Variants in NTRK3 observed in about 807,000 individuals in gnomAD.
NTRK3 encodes neurotrophic receptor tyrosine kinase 3, also known as NT-3 growth factor receptor.
A neutral mutation model predicts 91.7 loss-of-function variants in NTRK3; 24 were observed. The observed-to-expected ratio is 0.26, with a 90% CI of 0.19 to 0.37. NTRK3 has a LOEUF of 0.37. Ranked by LOEUF, NTRK3 falls within the 10% of genes least tolerant of loss-of-function variation. The pLI, the probability that NTRK3 is intolerant of heterozygous loss-of-function variation, is 1.00. For synonymous variants in NTRK3, 483 were observed against 404.0 expected, an observed-to-expected ratio of 1.20 and a Z score of -2.34; for missense variants, 880 against 1,068.9, an observed-to-expected ratio of 0.82 and a Z score of 2.46.
chr15:88,245,092 C>T, intron 3 of NTRK3, among the ~76,000 whole-genome samples: 1 of 152,230 alleles, frequency 6.6e-6, no homozygotes, highest in Non-Finnish European at 1.5e-5. Context: ...TGTACCTCAG[C>T]CACTGTGTCC....
At position 88,091,246 on chromosome 15, in the gene NTRK3, G is replaced by A. The variant is rs564233591; in HGVS notation, c.1396+35025C>T. 5.3e-5 allele frequency among the ~76,000 whole-genome samples: 8 copies of A among 152,312 alleles called. No homozygotes were observed. In the South Asian group the frequency reaches 1.2e-3, roughly 24 times the overall value. Reference sequence around the variant, plus strand: ...AAACTTGGGAAAGACCAGCAAAAATGCTGGGAATTAGGGCAGATTCTCTTA... The same window carrying A: ...AAACTTGGGAAAGACCAGCAAAAATACTGGGAATTAGGGCAGATTCTCTTA... On this transcript the variant is annotated intron_variant, in intron 13 of 18. Transcript: ENST00000394480.
intron 3 of NTRK3, among the ~76,000 whole-genome samples, chr15:88,238,094 A>T (rs1009855657): frequency 4.6e-5 from 7 of 152,168 alleles, no homozygotes; most frequent in African/African-American, 1.7e-4. Flanking sequence ...CCATGTAAAG[A>T]TACAGTGAGA....
chr15:87,876,716 A>T (rs996547746), exon 19 of NTRK3: 23 of 193,460 alleles, frequency 1.2e-4, no homozygotes, highest in South Asian at 3.9e-4. Context: ...TAGATATATA[A>T]ATATATATAT....
In NTRK3 at chr15:88,240,730, T is replaced by C. The variant is rs1250621965; in HGVS notation, c.248+15176A>G. Among the ~76,000 whole-genome samples, 7 of 152,222 alleles carry C rather than the reference T, an allele frequency of 4.6e-5. No homozygotes were observed. Among genetic ancestry groups the C allele is most frequent in the Non-Finnish European group, 5.9e-5 (4 of 68,034 alleles). On this transcript the variant is annotated intron_variant, in intron 3 of 18. Transcript: ENST00000394480. The surrounding 1 kb of genome is among the most constrained non-coding windows in gnomAD (Gnocchi z 4.9). ...GATCGTGGGACCTGCCATGTCACTG[T>C]GCTGAGAATGGAAGCGGGTTAAAAT...
intron 17 of NTRK3, among the ~76,000 whole-genome samples, chr15:87,920,733 G>A (rs1030259511): frequency 7.9e-5 from 12 of 152,162 alleles, no homozygotes; most frequent in Non-Finnish European, 1.2e-4. Context: ...ACCTATCTCT[G>A]TTGCAGAAAA....
exon 19 of NTRK3, chr15:87,876,980 A>G: frequency 6.2e-7 from 1 of 1,613,966 alleles, no homozygotes; most frequent in South Asian, 1.1e-5. Context: ...TCCCCAAAGC[A>G]TGGAGGATTT....
intron 17 of NTRK3, among the ~76,000 whole-genome samples, chr15:87,918,436 G>T (rs555629112): frequency 5.3e-5 from 8 of 152,084 alleles, no homozygotes; most frequent in African/African-American, 1.7e-4. Context: ...ATCACACACC[G>T]TTCTAGATCA....
At chr15:87,900,466 T>C (rs1230356535) in intron 17 of NTRK3, among the ~76,000 whole-genome samples, 2 of 152,216 alleles carry the variant, frequency 1.3e-5, no homozygotes, top group Non-Finnish European at 2.9e-5. Flanking sequence ...GTTCTACTAG[T>C]GTGCCATCCT....
chr15:87,871,929 A>T lies in NTRK3; in HGVS notation c.*5006T>A, dbSNP rs1359788749. On this transcript the variant is annotated 3_prime_UTR_variant, in exon 19 of 19. Transcript: ENST00000394480. ...TCTTAATAATGATGCATAAACTTGG[A>T]ATTTTCCTTCAAAACCTTAAATATT... The T allele has an allele frequency of 2.0e-4, 45 of 222,280 alleles. No individual in the cohort carries two copies. In the East Asian group the frequency reaches 2.9e-3, roughly 14 times the overall value. 13.8% of individuals were successfully genotyped at this position (222,280 alleles called of 1,614,324 possible). A position where few individuals can be genotyped will look rare whatever the true frequency, so the allele number is the denominator to read the frequency against.
At chr15:88,250,544 G>A (rs1049827961) in intron 3 of NTRK3, among the ~76,000 whole-genome samples, 3 of 152,192 alleles carry the variant, frequency 2.0e-5, no homozygotes, top group African/African-American at 4.8e-5. Context: ...TGGCCCCTGC[G>A]AGGGGGCTTT....
chr15:88,209,855 G>A (rs1027907594), intron 3 of NTRK3: 1 of 152,280 alleles, frequency 6.6e-6, no homozygotes, highest in Admixed American at 6.5e-5. Flanking sequence ...AATTTCCAGG[G>A]GTCAGGCCTG....
chr15:88,083,388 A>C (rs961110283), intron 13 of NTRK3, among the ~76,000 whole-genome samples: 1 of 152,060 alleles, frequency 6.6e-6, no homozygotes, highest in African/African-American at 2.4e-5. Flanking sequence ...ATGCCCAGCT[A>C]ATTTTTCTAT....
chr15:88,027,326 C>T (rs2078119165), intron 14 of NTRK3, among the ~76,000 whole-genome samples: 1 of 152,218 alleles, frequency 6.6e-6, no homozygotes, highest in African/African-American at 2.4e-5. Flanking sequence ...CCAGTGCTTG[C>T]TCTAAAGAGG....
intron 5 of NTRK3, among the ~76,000 whole-genome samples, chr15:88,156,529 T>C (rs1170333222): frequency 6.6e-6 from 1 of 152,156 alleles, no homozygotes; most frequent in Non-Finnish European, 1.5e-5. Context: ...ATCGCCCTGT[T>C]GGCTGCACCC....
At chr15:87,981,001 T>C (rs1186267740) in intron 14 of NTRK3, among the ~76,000 whole-genome samples, 1 of 152,170 alleles carries the variant, frequency 6.6e-6, no homozygotes, top group Non-Finnish European at 1.5e-5. Context: ...GGTCCTCTCC[T>C]GCTTCTCCCA....
At chr15:87,894,048 T>C (rs934004986) in intron 17 of NTRK3, among the ~76,000 whole-genome samples, 5 of 152,246 alleles carry the variant, frequency 3.3e-5, no homozygotes, top group African/African-American at 1.2e-4. Context: ...GTGCCATTTT[T>C]TTATTTATTA....
intron 14 of NTRK3, among the ~76,000 whole-genome samples, chr15:88,020,809 G>A (rs1441595929): frequency 2.6e-5 from 4 of 152,138 alleles, no homozygotes; most frequent in African/African-American, 9.7e-5. Context: ...AGGATCCTCT[G>A]TAACCCCCTA....
intron 3 of NTRK3, among the ~76,000 whole-genome samples, chr15:88,191,945 C>T (rs899288894): frequency 1.3e-5 from 2 of 152,216 alleles, no homozygotes; most frequent in African/African-American, 2.4e-5. Flanking sequence ...GGGGTTGGGA[C>T]GGCTTGTGCC....
At chr15:87,886,599 T>A (rs2065547659) in intron 17 of NTRK3, among the ~76,000 whole-genome samples, 1 of 148,922 alleles carries the variant, frequency 6.7e-6, no homozygotes. Flanking sequence ...CATAGAAAAA[T>A]GTTCGGAAAA....
Sources: allele counts gnomAD v4.1 joint callset (sites outside exome capture counted in the v4.1 genomes callset), GRCh38; gene constraint gnomAD v4.1.1; non-coding constraint Gnocchi (gnomAD v3.1); transcripts MANE v1.5; gene names NCBI Gene and HGNC (gene_info 2026-07-23, HGNC 2026-07-21).